Variants in SLC9D1 observed in about 807,000 individuals in gnomAD.
The protein encoded by SLC9D1 is putative LAG1-interacting protein.
the SLC9D1 span, among the ~76,000 whole-genome samples, chr13:113,518,239 C>T: frequency 3.3e-5 from 5 of 152,146 alleles, no homozygotes; most frequent in African/African-American, 9.7e-5. Flanking sequence ...GTCACTACTC[C>T]GAGCACTTGT....
the SLC9D1 span, among the ~76,000 whole-genome samples, chr13:113,508,476 A>G: frequency 6.6e-6 from 1 of 152,244 alleles, no homozygotes; most frequent in Non-Finnish European, 1.5e-5. Context: ...GCGCTCTGTG[A>G]TAACCATCAC....
chr13:113,536,646 G>C, the SLC9D1 span: 4 of 924,830 alleles, frequency 4.3e-6, no homozygotes, highest in African/African-American at 1.8e-5. Flanking sequence ...CTCGCTCTCT[G>C]GGCAGCCCTC....
At chr13:113,546,791 C>T in the SLC9D1 span, among the ~76,000 whole-genome samples, 1 of 149,244 alleles carries the variant, frequency 6.7e-6, no homozygotes, top group Non-Finnish European at 1.5e-5. This position sits in a 1 kb window ranked among gnomAD's most constrained non-coding sequence, Gnocchi z 7.1. Context: ...ACTGAGCAGC[C>T]CAGTCCGAGA....
chr13:113,515,174 G>C, the SLC9D1 span, among the ~76,000 whole-genome samples: 2 of 152,260 alleles, frequency 1.3e-5, no homozygotes, highest in Non-Finnish European at 2.9e-5. Context: ...GAAAATTCTT[G>C]CAAATTATTA....
the SLC9D1 span, among the ~76,000 whole-genome samples, chr13:113,511,583 G>A: frequency 6.6e-6 from 1 of 152,216 alleles, no homozygotes; most frequent in Non-Finnish European, 1.5e-5. Context: ...CCTGCTAGAC[G>A]CTGGACGGGT....
chr13:113,527,912 CCT>C, the SLC9D1 span: 2 of 152,188 alleles, frequency 1.3e-5, no homozygotes, highest in Admixed American at 1.3e-4. Context: ...CCGGTTCTGC[CCT>C]CTCTCGTCTC....
At chr13:113,501,938 C>T in the SLC9D1 span, 1 of 1,371,598 alleles carries the variant, frequency 7.3e-7, no homozygotes, top group East Asian at 2.3e-5. Context: ...AAAGAGAATT[C>T]ATGAAGACTA....
At chr13:113,546,363 C>T in the SLC9D1 span, among the ~76,000 whole-genome samples, 3 of 151,094 alleles carry the variant, frequency 2.0e-5, no homozygotes, top group African/African-American at 4.9e-5. This position sits in a 1 kb window ranked among gnomAD's most constrained non-coding sequence, Gnocchi z 7.1. Context: ...GGCTGGTGGC[C>T]GGGGTAGGAG....
the SLC9D1 span, among the ~76,000 whole-genome samples, chr13:113,542,886 G>A: frequency 6.6e-6 from 1 of 152,112 alleles, no homozygotes; most frequent in South Asian, 2.1e-4. Flanking sequence ...CACAGAGTTG[G>A]GAGGCTTGGG....
the SLC9D1 span, among the ~76,000 whole-genome samples, chr13:113,517,263 C>T: frequency 4.6e-5 from 7 of 152,112 alleles, no homozygotes; most frequent in East Asian, 1.9e-4. Flanking sequence ...GGAGGAGTCT[C>T]GCTCTGTCGC....
chr13:113,527,181 G>T, the SLC9D1 span: 59,521 of 152,050 alleles, frequency 0.39, 12,865 homozygotes, highest in African/African-American at 0.58. Flanking sequence ...GTGTTGTAAT[G>T]TTTACTGCAG....
At chr13:113,530,811 A>C in the SLC9D1 span, among the ~76,000 whole-genome samples, 1 of 152,236 alleles carries the variant, frequency 6.6e-6, no homozygotes, top group East Asian at 1.9e-4. Flanking sequence ...AAGGTCTCCT[A>C]TACCTTAATA....
chr13:113,539,341 G>A, the SLC9D1 span: 163 of 1,609,790 alleles, frequency 1.0e-4, no homozygotes, highest in Non-Finnish European at 1.3e-4. This position sits in a 1 kb window ranked among gnomAD's most constrained non-coding sequence, Gnocchi z 4.8. Context: ...GTAAAGCTGC[G>A]TCCTGCCTCT....
chr13:113,503,762 G>A, the SLC9D1 span: 1 of 576,086 alleles, frequency 1.7e-6, no homozygotes, highest in South Asian at 2.2e-5. Context: ...AAAAATATCA[G>A]GTTTGAAAGC....
chr13:113,540,778 G>A, the SLC9D1 span, among the ~76,000 whole-genome samples: 1 of 152,216 alleles, frequency 6.6e-6, no homozygotes, highest in African/African-American at 2.4e-5. Flanking sequence ...TGCGTTTGTA[G>A]TCTTCTTCAT....
At chr13:113,510,189 A>G in the SLC9D1 span, 3 of 1,541,002 alleles carry the variant, frequency 1.9e-6, no homozygotes, top group Admixed American at 1.7e-5. Flanking sequence ...TGGTGTGGTC[A>G]TTGCCTGTTG....
At chr13:113,502,905 G>A in the SLC9D1 span, among the ~76,000 whole-genome samples, 1 of 152,246 alleles carries the variant, frequency 6.6e-6, no homozygotes, top group African/African-American at 2.4e-5. Context: ...GTGAAGAGGA[G>A]CGCGCCCAGC....
chr13:113,500,018 C>T, the SLC9D1 span: 1 of 1,588,884 alleles, frequency 6.3e-7, no homozygotes, highest in Non-Finnish European at 8.6e-7. Context: ...CAATTCTAAG[C>T]AAAATATAAC....
At chr13:113,543,065 G>A in the SLC9D1 span, among the ~76,000 whole-genome samples, 6 of 14,066 alleles carry the variant, frequency 4.3e-4, no homozygotes, top group Admixed American at 2.9e-3. Flanking sequence ...TCCTCCCCCT[G>A]CCTCCCGCCC....
Sources: gnomAD v4.1 joint callset for allele counts (sites outside exome capture counted in the v4.1 genomes callset) on GRCh38, gnomAD v4.1.1 for gene constraint, Gnocchi (gnomAD v3.1) non-coding constraint, MANE v1.5 for transcripts, NCBI Gene and HGNC (gene_info 2026-07-23, HGNC 2026-07-21) for gene names.